The following ITGA11 variants were observed in gnomAD, a reference collection of about 807,000 sequenced individuals.
ITGA11 encodes integrin subunit alpha 11.
Under a neutral mutation model 141.9 loss-of-function variants are expected in ITGA11, and 97 were observed. The observed-to-expected ratio is 0.68, with a 90% CI of 0.58 to 0.81. ITGA11 has a LOEUF of 0.81. ITGA11 is among the 30% of genes least tolerant of loss of function. ITGA11 has a pLI of 0.00. For synonymous variants in ITGA11, 658 were observed against 624.6 expected (o/e 1.05, Z -0.80); for missense variants, 1,387 against 1,559.2 (o/e 0.89, Z 1.86).
In ITGA11 at chr15:68,325,675, G is replaced by A. The variant is rs776050995; in HGVS notation, c.2212-434C>T. 1.6e-4 allele frequency among the ~76,000 whole-genome samples: 24 copies of A among 152,196 alleles called. No homozygotes were observed. Among genetic ancestry groups the A allele is most frequent in the Non-Finnish European group, 2.9e-4 (20 of 68,042 alleles). ...CCTTCCCAAGCAAGGAATAGGCCTG[G>A]AGCCTCCCAGCATGGCCCTAGCACT... On this transcript the variant is annotated intron_variant, in intron 17 of 29. Coordinates refer to ENST00000315757, the MANE Select transcript of ITGA11 (RefSeq NM_001004439.2). This position sits in a 1 kb window ranked among gnomAD's most constrained non-coding sequence, Gnocchi z 5.5.
chr15:68,310,027 T>G (rs1893329606), intron 26 of ITGA11, among the ~76,000 whole-genome samples: 1 of 152,246 alleles, frequency 6.6e-6, no homozygotes, highest in African/African-American at 2.4e-5. Flanking sequence ...GGACGCCTAA[T>G]GATTTTGAAA....
In ITGA11 at chr15:68,303,152, C is replaced by T. The variant is rs752672674; in HGVS notation, c.3496-22G>A. The T allele has an allele frequency of 7.1e-6, 11 of 1,549,110 alleles. No homozygotes were observed. The highest frequency in any genetic ancestry group is 3.6e-5 in the South Asian group (3 of 83,908). On this transcript the variant is annotated intron_variant, in intron 29 of 29. Coordinates refer to ENST00000315757, the MANE Select transcript of ITGA11 (RefSeq NM_001004439.2). The surrounding 1 kb of genome is among the most constrained non-coding windows in gnomAD (Gnocchi z 5.3). Reference sequence around the variant, plus strand: ...CGAGCTGTGAGGAGGCAAAGGGAGACGTCTCAGAGGAGGACAGGGTGGGCA... The same window carrying T: ...CGAGCTGTGAGGAGGCAAAGGGAGATGTCTCAGAGGAGGACAGGGTGGGCA...
intron 2 of ITGA11, among the ~76,000 whole-genome samples, chr15:68,378,999 C>G (rs1895794494): frequency 2.0e-5 from 3 of 152,162 alleles, no homozygotes; most frequent in African/African-American, 7.2e-5. Context: ...GTTCTCAACC[C>G]ATCTGGAGGG....
In ITGA11 at chr15:68,432,140, G is replaced by C. The variant is rs767297569; in HGVS notation, c.-74C>G. The C allele has an allele frequency of 4.3e-6, 5 of 1,172,038 alleles. No individual in the cohort carries two copies. The highest frequency in any genetic ancestry group is 3.3e-6 in the Non-Finnish European group (3 of 907,316). 72.6% of individuals were successfully genotyped at this position (1,172,038 alleles called of 1,614,324 possible). ...GGCAAGCCAGAGCGGCAGCCTCCTC[G>C]GCGCGGCGCCTGCAGCCTGCACTGC... On this transcript the variant is annotated 5_prime_UTR_variant, in exon 1 of 30. Coordinates refer to ENST00000315757, the MANE Select transcript of ITGA11 (RefSeq NM_001004439.2).
In ITGA11 at chr15:68,357,694, G is replaced by A. The variant is rs1213445336; in HGVS notation, c.601-395C>T. Among the ~76,000 whole-genome samples the A allele has an allele frequency of 8.1e-5, 12 of 149,020 alleles. No individual in the cohort carries two copies. In the East Asian group the frequency reaches 1.9e-3, roughly 24 times the overall value. ...TGAGGTTCCTTAAAACTTGTAAGAGGTTCTTTTATCCCCATGGATGATAAA... is the reference window on the plus strand; with the variant it reads ...TGAGGTTCCTTAAAACTTGTAAGAGATTCTTTTATCCCCATGGATGATAAA... On this transcript the variant is annotated intron_variant, in intron 6 of 29. Coordinates refer to ENST00000315757, the MANE Select transcript of ITGA11 (RefSeq NM_001004439.2).
chr15:68,413,192 G>C (rs991561555), intron 1 of ITGA11, among the ~76,000 whole-genome samples: 1 of 152,164 alleles, frequency 6.6e-6, no homozygotes, highest in African/African-American at 2.4e-5. Flanking sequence ...AAACCTTAGG[G>C]TTTCCTGGAA....
intron 2 of ITGA11, among the ~76,000 whole-genome samples, chr15:68,390,470 G>A (rs574138345): frequency 1.3e-5 from 2 of 152,272 alleles, no homozygotes; most frequent in African/African-American, 4.8e-5. Context: ...TACATGCTCA[G>A]TGGAAACAGC....
chr15:68,368,275 G>C (rs1441449934), intron 3 of ITGA11, among the ~76,000 whole-genome samples: 1 of 152,162 alleles, frequency 6.6e-6, no homozygotes, highest in Non-Finnish European at 1.5e-5. Flanking sequence ...CTGGCCCTAG[G>C]GAAGTCCAGT....
At chr15:68,366,231 C>T (rs552217247) in intron 3 of ITGA11, among the ~76,000 whole-genome samples, 33 of 152,204 alleles carry the variant, frequency 2.2e-4, no homozygotes, top group Middle Eastern at 3.4e-3. Flanking sequence ...TACAAAGCAC[C>T]GCGCACACCT....
intron 1 of ITGA11, among the ~76,000 whole-genome samples, chr15:68,419,111 T>C (rs941554979): frequency 1.3e-5 from 2 of 152,124 alleles, no homozygotes; most frequent in African/African-American, 4.8e-5. Context: ...AAAAGGTCTC[T>C]GGCTGCATGG....
In ITGA11 at chr15:68,304,241, C is replaced by T. The variant is rs986223148; in HGVS notation, c.3382-356G>A. Among the ~76,000 whole-genome samples the T allele has an allele frequency of 3.3e-5, 5 of 152,198 alleles. No homozygotes were observed. Among genetic ancestry groups the T allele is most frequent in the African/African-American group, 1.2e-4 (5 of 41,456 alleles). ...CACTTCTAAAGGTCAGTGTCTCCCA[C>T]GGTTCAGTCCTTGCACCTCTTCTTT... On this transcript the variant is annotated intron_variant, in intron 28 of 29. Transcript: ENST00000315757. The surrounding 1 kb of genome is among the most constrained non-coding windows in gnomAD (Gnocchi z 6.1).
In ITGA11 at chr15:68,413,074, A is replaced by C. The variant is rs1306617692; in HGVS notation, c.53-10045T>G. Reference sequence around the variant, plus strand: ...CTACAGCGAATCTCACATTTTTTGAACAAAATATATACATGAAAAGTAGAC... The same window carrying C: ...CTACAGCGAATCTCACATTTTTTGACCAAAATATATACATGAAAAGTAGAC... On this transcript the variant is annotated intron_variant, in intron 1 of 29. Coordinates refer to ENST00000315757, the MANE Select transcript of ITGA11 (RefSeq NM_001004439.2). 2.0e-5 allele frequency among the ~76,000 whole-genome samples: 3 copies of C among 152,246 alleles called. No individual in the cohort carries two copies. In the East Asian group the frequency reaches 5.8e-4, roughly 29 times the overall value.
chr15:68,372,646 G>A (rs1036589192), intron 2 of ITGA11, among the ~76,000 whole-genome samples: 28 of 152,216 alleles, frequency 1.8e-4, no homozygotes, highest in Non-Finnish European at 8.8e-5. Context: ...GCCAAGAGAG[G>A]ATGGTCCCTG....
chr15:68,427,463 G>T (rs56857360), intron 1 of ITGA11, among the ~76,000 whole-genome samples: 1 of 152,114 alleles, frequency 6.6e-6, no homozygotes, highest in Admixed American at 6.5e-5. Context: ...TAGGTCCTAA[G>T]CCCATGCACA....
chr15:68,348,380 C>T (rs1332147165), intron 10 of ITGA11, among the ~76,000 whole-genome samples: 1 of 152,210 alleles, frequency 6.6e-6, no homozygotes, highest in Non-Finnish European at 1.5e-5. Context: ...CCGCCTTGGG[C>T]ACTGGAGCTA....
chr15:68,425,436 T>C (rs2140441742), intron 1 of ITGA11, among the ~76,000 whole-genome samples: 1 of 152,340 alleles, frequency 6.6e-6, no homozygotes, highest in East Asian at 1.9e-4. Context: ...GTCTACAAAC[T>C]ATTGATGGGA....
intron 1 of ITGA11, among the ~76,000 whole-genome samples, chr15:68,427,114 T>G (rs1453060492): frequency 6.6e-6 from 1 of 151,590 alleles, no homozygotes; most frequent in Non-Finnish European, 1.5e-5. Flanking sequence ...GATGAGCCTT[T>G]TAACTTCCTA....
intron 14 of ITGA11, among the ~76,000 whole-genome samples, chr15:68,331,450 G>A (rs542618679): frequency 3.3e-5 from 5 of 152,254 alleles, no homozygotes; most frequent in African/African-American, 1.2e-4. Context: ...GATCCTCAGG[G>A]GACGGGACCC....
intron 2 of ITGA11, among the ~76,000 whole-genome samples, chr15:68,380,299 C>A (rs1302669320): frequency 1.3e-5 from 2 of 152,202 alleles, no homozygotes; most frequent in Non-Finnish European, 1.5e-5. Flanking sequence ...CTATCTCTAA[C>A]CTATCCCCAG....
Sources: gnomAD v4.1 joint callset for allele counts (sites outside exome capture counted in the v4.1 genomes callset) on GRCh38, gnomAD v4.1.1 for gene constraint, Gnocchi (gnomAD v3.1) non-coding constraint, MANE v1.5 for transcripts, NCBI Gene and HGNC (gene_info 2026-07-23, HGNC 2026-07-21) for gene names.